The following GALNTL6 variants were observed in gnomAD, a reference collection of about 807,000 sequenced individuals.
GALNTL6 encodes polypeptide N-acetylgalactosaminyltransferase like 6.
A neutral mutation model predicts 73.7 loss-of-function variants in GALNTL6; 46 were observed. The ratio of observed to expected loss-of-function variants is 0.62; its 90% CI spans 0.49 to 0.80. The LOEUF (loss-of-function observed/expected upper bound fraction) is 0.80, where lower values mean the gene tolerates loss of function less well. Among genes scored for constraint, GALNTL6 ranks in the 30% least tolerant of loss-of-function variants. The pLI, the probability that GALNTL6 is intolerant of heterozygous loss-of-function variation, is 0.00. For missense variants in GALNTL6, 604 were observed against 755.0 expected (o/e 0.80, Z 2.34); for synonymous variants, 259 against 263.7 (o/e 0.98, Z 0.17).
intron 8 of GALNTL6, among the ~76,000 whole-genome samples, chr4:172,883,167 T>C (rs1745549967): frequency 6.6e-6 from 1 of 152,198 alleles, no homozygotes; most frequent in South Asian, 2.1e-4. Flanking sequence ...CAAATCAGGG[T>C]AACTGGGATA....
intron 8 of GALNTL6, among the ~76,000 whole-genome samples, chr4:172,905,052 G>A (rs1383267036): frequency 1.3e-5 from 2 of 151,980 alleles, no homozygotes; most frequent in Non-Finnish European, 2.9e-5. Flanking sequence ...TCTTTCTATG[G>A]CGATGATAAC....
chr4:171,843,840 A>G (rs1344442283), intron 2 of GALNTL6, among the ~76,000 whole-genome samples: 1 of 152,200 alleles, frequency 6.6e-6, no homozygotes, highest in Non-Finnish European at 1.5e-5. Context: ...TTATTTGACA[A>G]TCAATAGTGT....
At chr4:172,228,085 T>A (rs1736927616) in intron 2 of GALNTL6, among the ~76,000 whole-genome samples, 1 of 152,176 alleles carries the variant, frequency 6.6e-6, no homozygotes, top group Admixed American at 6.6e-5. Context: ...TTTAATACTT[T>A]CTTTGTATAG....
chr4:172,635,146 A>C (rs1378746535), intron 5 of GALNTL6, among the ~76,000 whole-genome samples: 1 of 152,168 alleles, frequency 6.6e-6, no homozygotes, highest in Admixed American at 6.5e-5. Flanking sequence ...TTAGAATATA[A>C]CTAAACTTTT....
At chr4:172,517,137 A>G (rs1485083751) in intron 5 of GALNTL6, among the ~76,000 whole-genome samples, 1 of 151,706 alleles carries the variant, frequency 6.6e-6, no homozygotes, top group African/African-American at 2.4e-5. Flanking sequence ...ACACTACTAA[A>G]CTTTTACACT....
In GALNTL6 at chr4:172,268,597, G is replaced by A. The variant is rs150300753; in HGVS notation, c.247+38833G>A. Among the ~76,000 whole-genome samples, 120 of 152,260 alleles carry A rather than the reference G, an allele frequency of 7.9e-4. No individual in the cohort carries two copies. In the East Asian group the frequency reaches 0.019, roughly 24 times the overall value. On this transcript the variant is annotated intron_variant, in intron 3 of 12. Coordinates refer to ENST00000506823, the MANE Select transcript of GALNTL6 (RefSeq NM_001034845.3). ...GTGCTCTCTGTAGCTAATACCTTTCGCAGTTGGGGAAACAAATCTGAACTC... is the reference window on the plus strand; with the variant it reads ...GTGCTCTCTGTAGCTAATACCTTTCACAGTTGGGGAAACAAATCTGAACTC...
At chr4:172,546,490 A>G (rs959644187) in intron 5 of GALNTL6, among the ~76,000 whole-genome samples, 2 of 35,974 alleles carry the variant, frequency 5.6e-5, no homozygotes, top group African/African-American at 2.8e-4. Context: ...ATAAATACAC[A>G]AGTTTAAAAA....
At chr4:172,424,574 G>A (rs1453662784) in intron 5 of GALNTL6, among the ~76,000 whole-genome samples, 2 of 152,158 alleles carry the variant, frequency 1.3e-5, no homozygotes, top group Admixed American at 1.3e-4. Context: ...CAACCAAGAT[G>A]CCTCCAGTTC....
At chr4:171,854,556 G>A (rs913725214) in intron 2 of GALNTL6, among the ~76,000 whole-genome samples, 1 of 152,166 alleles carries the variant, frequency 6.6e-6, no homozygotes, top group African/African-American at 2.4e-5. Context: ...GAGGTACTTG[G>A]ATAACATCTT....
At chr4:172,672,018 G>A (rs1732014242) in intron 5 of GALNTL6, among the ~76,000 whole-genome samples, 1 of 152,134 alleles carries the variant, frequency 6.6e-6, no homozygotes, top group South Asian at 2.1e-4. Context: ...AGTCTCCTGA[G>A]TAGCTAGGAA....
At chr4:172,458,020 C>G (rs1196010115) in intron 5 of GALNTL6, among the ~76,000 whole-genome samples, 1 of 152,126 alleles carries the variant, frequency 6.6e-6, no homozygotes, top group African/African-American at 2.4e-5. Flanking sequence ...AACAAACAGT[C>G]TCTCAGACCA....
rs1732775322 is a variant in GALNTL6, at chr4:172,683,945, A to G, written c.554-125416A>G. Among the ~76,000 whole-genome samples, 4 of 152,340 alleles carry G rather than the reference A, an allele frequency of 2.6e-5. No individual in the cohort carries two copies. In the South Asian group the frequency reaches 8.3e-4, roughly 32 times the overall value. Reference sequence around the variant, plus strand: ...ATTCCTATGACTTAGAAAGGACCACACATTCTTAAAAATTACAGATTCACT... The same window carrying G: ...ATTCCTATGACTTAGAAAGGACCACGCATTCTTAAAAATTACAGATTCACT... On this transcript the variant is annotated intron_variant, in intron 5 of 12. Coordinates refer to ENST00000506823, the MANE Select transcript of GALNTL6 (RefSeq NM_001034845.3).
intron 5 of GALNTL6, among the ~76,000 whole-genome samples, chr4:172,426,613 G>A (rs555769435): frequency 6.6e-6 from 1 of 152,266 alleles, no homozygotes; most frequent in Admixed American, 6.5e-5. Context: ...TCAGATCCAT[G>A]CAAACAGAAA....
intron 5 of GALNTL6, among the ~76,000 whole-genome samples, chr4:172,808,790 T>C (rs1177705975): frequency 2.0e-5 from 3 of 152,238 alleles, no homozygotes; most frequent in African/African-American, 7.2e-5. Flanking sequence ...GACTGTATAG[T>C]ATTTCATCTG....
At chr4:172,236,374 A>G (rs1194593642) in intron 3 of GALNTL6, among the ~76,000 whole-genome samples, 1 of 152,062 alleles carries the variant, frequency 6.6e-6, no homozygotes, top group Non-Finnish European at 1.5e-5. Flanking sequence ...GCTGGCTAAC[A>G]TGGTGAAACC....
chr4:172,691,265 G>A (rs1733267819), intron 5 of GALNTL6, among the ~76,000 whole-genome samples: 9 of 152,170 alleles, frequency 5.9e-5, no homozygotes. Context: ...TCTGGACAGA[G>A]GGTTCATGGG....
Position 172,119,002 on chromosome 4 carries a change from G to A in GALNTL6, c.139-110654G>A, listed in dbSNP as rs538247690. ...TTTTGCAACTATCTCATCAAATCTCGTATTCACAATAAAGTTATTTCCATG... is the reference window on the plus strand; with the variant it reads ...TTTTGCAACTATCTCATCAAATCTCATATTCACAATAAAGTTATTTCCATG... On this transcript the variant is annotated intron_variant, in intron 2 of 12. Coordinates refer to ENST00000506823, the MANE Select transcript of GALNTL6 (RefSeq NM_001034845.3). Among the ~76,000 whole-genome samples, 14 of 151,086 alleles carry A rather than the reference G, an allele frequency of 9.3e-5. No homozygotes were observed. The South Asian group carries it at 2.1e-3, about 22-fold the overall frequency.
chr4:172,312,172 A>G (rs769933952), intron 4 of GALNTL6, among the ~76,000 whole-genome samples: 4 of 152,180 alleles, frequency 2.6e-5, no homozygotes, highest in Admixed American at 6.5e-5. Flanking sequence ...GCATTTTCAT[A>G]AAGAATACCC....
At chr4:172,912,093 G>T (rs1324725838) in intron 8 of GALNTL6, among the ~76,000 whole-genome samples, 1 of 152,056 alleles carries the variant, frequency 6.6e-6, no homozygotes, top group Admixed American at 6.5e-5. Flanking sequence ...AAGTCAGTTT[G>T]CCCCCCACAC....
Sources: gnomAD v4.1 joint callset for allele counts (sites outside exome capture counted in the v4.1 genomes callset) on GRCh38, gnomAD v4.1.1 for gene constraint, MANE v1.5 for transcripts, NCBI Gene and HGNC (gene_info 2026-07-23, HGNC 2026-07-21) for gene names.